Variants in CALD1 observed in about 807,000 individuals in gnomAD.
The protein encoded by CALD1 is caldesmon 1.
CALD1 carries 33 observed loss-of-function variants against 99.9 expected under a neutral mutation model. That is an observed-to-expected ratio of 0.33 (90% CI 0.25 to 0.44). The LOEUF is 0.44. Ranked by LOEUF, CALD1 falls within the 20% of genes least tolerant of loss-of-function variation. CALD1 has a pLI of 1.00. For synonymous variants in CALD1, 310 were observed against 325.0 expected, an observed-to-expected ratio of 0.95 and a Z score of 0.50; for missense variants, 861 against 962.1, an observed-to-expected ratio of 0.89 and a Z score of 1.39.
chr7:134,960,751 A>C, intron 13 of CALD1, 123 bp downstream of exon 13: 1 of 630,490 alleles, frequency 1.6e-6, no homozygotes, highest in Non-Finnish European at 2.9e-6. Context: ...TTCCCTGATG[A>C]ATAGCAAACA....
intron 1 of CALD1, among the ~76,000 whole-genome samples, chr7:134,747,007 C>T (rs932676701): frequency 9.8e-5 from 14 of 142,924 alleles, no homozygotes; most frequent in African/African-American, 1.3e-4. Flanking sequence ...TTAAAAGGAA[C>T]GTAGAGCTTA....
At chr7:134,867,278 A>G (rs895158215) in intron 2 of CALD1, among the ~76,000 whole-genome samples, 4 of 152,126 alleles carry the variant, frequency 2.6e-5, no homozygotes, top group Non-Finnish European at 5.9e-5. Context: ...GTTCCTACAA[A>G]TACCTCTTCT....
At position 134,867,819 on chromosome 7, in the gene CALD1, T is replaced by C; in HGVS notation, c.71+15T>C. 6.5e-7 allele frequency: 1 copy of C among 1,535,272 alleles called. No homozygotes were observed. Among genetic ancestry groups the C allele is most frequent in the Middle Eastern group, 1.7e-4 (1 of 5,898 alleles). On this transcript the variant is annotated intron_variant, in intron 3 of 14. Transcript: ENST00000361675. ...GAAGCAGAAAGGTAAGGATCTAGGG[T>C]GAAAAATACTTGTATTCCCTTATTA...
intron 6 of CALD1, 29 bp from the exon 7 acceptor site, chr7:134,941,063 G>A (rs758800909): frequency 1.3e-6 from 2 of 1,563,142 alleles, no homozygotes; most frequent in African/African-American, 1.4e-5. Context: ...TTCTTGTTCT[G>A]TTTCTTCCTG....
upstream of CALD1, chr7:134,779,279 C>G (rs1305130173): frequency 5.9e-6 from 1 of 170,186 alleles, no homozygotes; most frequent in Non-Finnish European, 1.2e-5. Flanking sequence ...CCAAGATTAA[C>G]ATTTCTTATG....
At chr7:134,712,033 GGGAA>G in the CALD1 span, among the ~76,000 whole-genome samples, 1 of 53,556 alleles carries the variant, frequency 1.9e-5, no homozygotes, top group African/African-American at 2.0e-4. Flanking sequence ...GAGAGAGGGA[GGGAA>G]GGAGGGAGAG....
At chr7:134,839,191 A>C (rs1306764080) in intron 1 of CALD1, among the ~76,000 whole-genome samples, 1 of 152,204 alleles carries the variant, frequency 6.6e-6, no homozygotes, top group African/African-American at 2.4e-5. Context: ...ATCATATAGT[A>C]ATTTTTGTTG....
intron 1 of CALD1, among the ~76,000 whole-genome samples, chr7:134,781,838 G>A (rs1763480512): frequency 6.6e-6 from 1 of 152,298 alleles, no homozygotes; most frequent in Non-Finnish European, 1.5e-5. Flanking sequence ...AGGAGAAGGA[G>A]AACCAGGCTC....
intron 1 of CALD1, among the ~76,000 whole-genome samples, chr7:134,838,517 G>A (rs1236033477): frequency 6.6e-6 from 1 of 152,216 alleles, no homozygotes; most frequent in Non-Finnish European, 1.5e-5. Flanking sequence ...TTCTTAAGAT[G>A]ATAAGTAGTC....
In CALD1 at chr7:134,928,827, C is replaced by T. The variant is rs1026251429; in HGVS notation, c.145C>T (p.Arg49Trp). 6 of 1,613,890 alleles carry T rather than the reference C, an allele frequency of 3.7e-6. No individual in the cohort carries two copies. In the African/African-American group the frequency reaches 5.3e-5, roughly 14 times the overall value. ...ACGGCGCCGCCGAGCCCGACAGGAA[C>T]GGCTGCGGCAGAAGCAGGAGGAAGA... Reference protein sequence around the residue: ...RERRRRARQERLRQKQEEESL... With the variant: ...RERRRRARQEWLRQKQEEESL... Residue 49 changes from arginine to tryptophan, a missense_variant, in exon 4 of 15, where the codon CGG becomes TGG. This residue lies in a region of CALD1 where 123 missense variants were observed against 169.8 expected (regional missense o/e 0.72). Coordinates refer to ENST00000361675, the MANE Select transcript of CALD1 (RefSeq NM_033138.4).
chr7:134,799,857 T>C (rs1797879913), intron 1 of CALD1, among the ~76,000 whole-genome samples: 1 of 152,208 alleles, frequency 6.6e-6, no homozygotes, highest in African/African-American at 2.4e-5. Flanking sequence ...ATTGTGTTCA[T>C]ATGTTTTTCT....
intron 7 of CALD1, among the ~76,000 whole-genome samples, chr7:134,946,792 T>C (rs1025385779): frequency 6.6e-6 from 1 of 151,796 alleles, no homozygotes; most frequent in Non-Finnish European, 1.5e-5. Flanking sequence ...GCAATTCTCC[T>C]GCCTCAGCCT....
intron 3 of CALD1, chr7:134,891,623 GC>G (rs1363444472): frequency 6.2e-7 from 1 of 1,609,416 alleles, no homozygotes; most frequent in African/African-American, 1.3e-5. Context: ...CTGCGGACAT[GC>G]TGGGTGGATC....
intron 1 of CALD1, among the ~76,000 whole-genome samples, chr7:134,824,288 T>C (rs937520764): frequency 6.6e-6 from 1 of 152,198 alleles, no homozygotes; most frequent in African/African-American, 2.4e-5. Context: ...GGTCTACACA[T>C]GACCGCTGAA....
the CALD1 span, among the ~76,000 whole-genome samples, chr7:134,730,129 A>T: frequency 6.6e-6 from 1 of 152,024 alleles, no homozygotes; most frequent in Admixed American, 6.6e-5. Context: ...CCCATTCAGC[A>T]AAAGGCCTGA....
intron 1 of CALD1, among the ~76,000 whole-genome samples, chr7:134,758,221 C>A (rs1409510573): frequency 6.6e-6 from 1 of 152,172 alleles, no homozygotes; most frequent in Admixed American, 6.5e-5. Flanking sequence ...GTCAAAACTC[C>A]AAGACTTATG....
intron 3 of CALD1, among the ~76,000 whole-genome samples, chr7:134,880,024 A>G (rs1198637903): frequency 6.6e-6 from 1 of 152,180 alleles, no homozygotes; most frequent in Non-Finnish European, 1.5e-5. Context: ...AAATTCTTCC[A>G]ATGTTCATAT....
chr7:134,946,486 T>C (rs1412836266), intron 7 of CALD1, among the ~76,000 whole-genome samples: 1 of 152,182 alleles, frequency 6.6e-6, no homozygotes, highest in Non-Finnish European at 1.5e-5. Context: ...TATTTCCTGC[T>C]ACCGCCCACC....
chr7:134,925,544 A>G (rs1804939920), intron 3 of CALD1, among the ~76,000 whole-genome samples: 1 of 152,188 alleles, frequency 6.6e-6, no homozygotes, highest in Admixed American at 6.5e-5. Flanking sequence ...GAAACTTACA[A>G]TCATGGAGGA....
Sources: gnomAD v4.1 joint callset for allele counts (sites outside exome capture counted in the v4.1 genomes callset) on GRCh38, gnomAD v4.1.1 for gene constraint, gnomAD v4.1.1 regional missense constraint, MANE v1.5 for transcripts, NCBI Gene and HGNC (gene_info 2026-07-23, HGNC 2026-07-21) for gene names.